Variants in HDAC9 observed in about 807,000 individuals in gnomAD.
HDAC9 encodes MEF-2 interacting transcription repressor (MITR) protein.
A neutral mutation model predicts 139.4 loss-of-function variants in HDAC9; 41 were observed. The ratio of observed to expected loss-of-function variants is 0.29; its 90% CI spans 0.23 to 0.38. HDAC9 has a LOEUF of 0.38. Ranked by LOEUF, HDAC9 falls within the 10% of genes least tolerant of loss-of-function variation. The probability of loss-of-function intolerance (pLI) is 1.00; values close to 1 mark genes in which losing one functional copy is unlikely to be tolerated. For synonymous variants in HDAC9, 517 were observed against 476.2 expected, an observed-to-expected ratio of 1.09 and a Z score of -1.12; for missense variants, 1,147 against 1,297.0, an observed-to-expected ratio of 0.88 and a Z score of 1.78.
chr7:18,338,098 G>T (rs1045404736), intron 1 of HDAC9, among the ~76,000 whole-genome samples: 50 of 151,598 alleles, frequency 3.3e-4, no homozygotes, highest in Admixed American at 1.5e-3. Context: ...CTTTTTCCTG[G>T]TAAACAGGAA....
chr7:18,272,159 G>A (rs1796394872), intron 2 of HDAC9, among the ~76,000 whole-genome samples: 1 of 152,158 alleles, frequency 6.6e-6, no homozygotes, highest in South Asian at 2.1e-4. Context: ...TACAGGATGA[G>A]TGCTAACTCT....
intron 2 of HDAC9, among the ~76,000 whole-genome samples, chr7:18,554,417 G>A (rs1442745032): frequency 7.3e-6 from 1 of 136,142 alleles, no homozygotes; most frequent in Non-Finnish European, 1.5e-5. Flanking sequence ...CTCACTGCAA[G>A]CTCCACCTCC....
chr7:18,785,356 G>A (rs1378201055), intron 16 of HDAC9, among the ~76,000 whole-genome samples: 1 of 151,898 alleles, frequency 6.6e-6, no homozygotes, highest in African/African-American at 2.4e-5. Context: ...ATCGTAGGAT[G>A]CGTAGTGGCA....
chr7:18,740,232 G>A (rs779425351), intron 13 of HDAC9, among the ~76,000 whole-genome samples: 1 of 152,274 alleles, frequency 6.6e-6, no homozygotes, highest in African/African-American at 2.4e-5. Context: ...TCCTGGGTGA[G>A]GTGATGCCCT....
intron 2 of HDAC9, among the ~76,000 whole-genome samples, chr7:18,207,046 C>T (rs1198527076): frequency 6.6e-6 from 1 of 151,676 alleles, no homozygotes; most frequent in Non-Finnish European, 1.5e-5. Flanking sequence ...AGTGATTCTC[C>T]AGCCCCAGCC....
intron 24 of HDAC9, among the ~76,000 whole-genome samples, chr7:18,973,267 C>A (rs1246582015): frequency 2.0e-5 from 3 of 152,122 alleles, no homozygotes; most frequent in Non-Finnish European, 4.4e-5. Flanking sequence ...GACCCATAAG[C>A]CACTAGCCAC....
intron 1 of HDAC9, among the ~76,000 whole-genome samples, chr7:18,122,880 A>G (rs1289040191): frequency 6.6e-6 from 1 of 152,140 alleles, no homozygotes; most frequent in Non-Finnish European, 1.5e-5. Flanking sequence ...CAGCCTCCCA[A>G]AGTGCTCAGG....
intron 22 of HDAC9, among the ~76,000 whole-genome samples, chr7:18,891,207 C>T (rs1307557326): frequency 6.6e-6 from 1 of 152,162 alleles, no homozygotes; most frequent in East Asian, 1.9e-4. Context: ...TTCCTTCCTG[C>T]CTTAGGGTAA....
At chr7:18,816,170 C>G (rs895507173) in intron 17 of HDAC9, among the ~76,000 whole-genome samples, 1 of 152,184 alleles carries the variant, frequency 6.6e-6, no homozygotes, top group Admixed American at 6.5e-5. Context: ...TTCCCTTTCT[C>G]ATAAAGATTT....
At position 18,768,584 on chromosome 7, in the gene HDAC9, T is replaced by C. The variant is rs553677812; in HGVS notation, c.2214+1429T>C. Reference sequence around the variant, plus strand: ...AAGCTGACTTTTAAAATGGGTTTCATTGGCTTTGTGCTTATTTTCTAACAT... The same window carrying C: ...AAGCTGACTTTTAAAATGGGTTTCACTGGCTTTGTGCTTATTTTCTAACAT... On this transcript the variant is annotated intron_variant, in intron 16 of 25. Coordinates refer to ENST00000686413, the MANE Select transcript of HDAC9 (RefSeq NM_178425.4). Among the ~76,000 whole-genome samples, 9 of 152,308 alleles carry C rather than the reference T, an allele frequency of 5.9e-5. No homozygotes were observed. The South Asian group carries it at 8.3e-4, about 14-fold the overall frequency.
chr7:18,733,461 A>C (rs868644380), intron 13 of HDAC9, among the ~76,000 whole-genome samples: 2 of 151,396 alleles, frequency 1.3e-5, no homozygotes, highest in Non-Finnish European at 3.0e-5. Flanking sequence ...TGCTGTCCTC[A>C]AATATATATG....
chr7:18,417,974 G>A (rs1585752362), intron 1 of HDAC9, among the ~76,000 whole-genome samples: 1 of 152,076 alleles, frequency 6.6e-6, no homozygotes, highest in African/African-American at 2.4e-5. Flanking sequence ...CCTCAAGTCT[G>A]GATGGATGTC....
At chr7:18,869,479 G>A (rs1017331041) in intron 21 of HDAC9, among the ~76,000 whole-genome samples, 4 of 152,028 alleles carry the variant, frequency 2.6e-5, no homozygotes, top group Admixed American at 6.6e-5. Flanking sequence ...GCAGATGCCA[G>A]CATCATGCTT....
intron 2 of HDAC9, among the ~76,000 whole-genome samples, chr7:18,555,601 G>T (rs979303734): frequency 4.3e-4 from 66 of 152,224 alleles, no homozygotes; most frequent in Middle Eastern, 3.4e-3. Flanking sequence ...ACAGATGTGT[G>T]TATATGAAAA....
chr7:18,746,120 C>G (rs1444365410), intron 13 of HDAC9, among the ~76,000 whole-genome samples: 1 of 151,966 alleles, frequency 6.6e-6, no homozygotes, highest in Non-Finnish European at 1.5e-5. Flanking sequence ...ATCCTCCTGC[C>G]TCAGCCTCCC....
At chr7:18,673,816 A>C (rs1795800276) in intron 12 of HDAC9, among the ~76,000 whole-genome samples, 1 of 152,026 alleles carries the variant, frequency 6.6e-6, no homozygotes, top group African/African-American at 2.4e-5. Context: ...TAGAGGCATA[A>C]AATGTTAGTG....
intron 2 of HDAC9, among the ~76,000 whole-genome samples, chr7:18,497,815 A>AT (rs984475319): frequency 2.6e-4 from 39 of 152,074 alleles, no homozygotes; most frequent in Admixed American, 3.3e-4. Flanking sequence ...CAAGTTTGAT[A>AT]TTTTTTTTCA....
At chr7:18,718,792 A>G (rs1448414915) in intron 12 of HDAC9, among the ~76,000 whole-genome samples, 1 of 152,170 alleles carries the variant, frequency 6.6e-6, no homozygotes, top group Non-Finnish European at 1.5e-5. Flanking sequence ...TATACATATT[A>G]TTGAAATTGC....
intron 1 of HDAC9, among the ~76,000 whole-genome samples, chr7:18,129,652 C>A (rs914532563): frequency 6.6e-6 from 1 of 152,134 alleles, no homozygotes; most frequent in African/African-American, 2.4e-5. Flanking sequence ...CTTGTGCAGT[C>A]TTGTAAGACA....
Sources: gnomAD v4.1 joint callset for allele counts (sites outside exome capture counted in the v4.1 genomes callset) on GRCh38, gnomAD v4.1.1 for gene constraint, MANE v1.5 for transcripts, NCBI Gene and HGNC (gene_info 2026-07-23, HGNC 2026-07-21) for gene names.